COQ2: variants seen among roughly 807,000 people sequenced by gnomAD.
COQ2 encodes coenzyme Q2, polyprenyltransferase.
COQ2 carries 25 observed loss-of-function variants against 35.7 expected under a neutral mutation model. The ratio of observed to expected loss-of-function variants is 0.70; its 90% CI spans 0.51 to 0.98. The LOEUF is 0.98. Ranked by LOEUF, COQ2 falls within the 50% of genes least tolerant of loss-of-function variation. COQ2 has a pLI of 0.00. For synonymous variants in COQ2, 206 were observed against 186.2 expected (o/e 1.11, Z -0.86); for missense variants, 488 against 473.5 (o/e 1.03, Z -0.28).
chr4:83,285,015 T>A, upstream of COQ2: 1 of 823,564 alleles, frequency 1.2e-6, no homozygotes, highest in Non-Finnish European at 1.8e-6. Flanking sequence ...TTTTTACAAC[T>A]CGATCTTGAT....
rs1019995053 is a variant in COQ2, at chr4:83,283,532, T to C, written c.253+980A>G. Reference sequence around the variant, plus strand: ...AACTTGTCCTTTGGAGTATAATTTCTTCTCGAAACTTTCCAGCAAGGGATC... The same window carrying C: ...AACTTGTCCTTTGGAGTATAATTTCCTCTCGAAACTTTCCAGCAAGGGATC... On this transcript the variant is annotated intron_variant, in intron 1 of 6. Transcript: ENST00000647002. 123 of 985,480 alleles carry C rather than the reference T, an allele frequency of 1.2e-4. 1 individual carries two copies. Among genetic ancestry groups the C allele is most frequent in the Non-Finnish European group, 1.4e-4 (113 of 829,938 alleles). 61.0% of individuals were successfully genotyped at this position (985,480 alleles called of 1,614,324 possible). A position where few individuals can be genotyped will look rare whatever the true frequency, so the allele number is the denominator to read the frequency against.
intron 2 of COQ2, among the ~76,000 whole-genome samples, chr4:83,274,273 A>G (rs1258494625): frequency 2.0e-5 from 3 of 152,292 alleles, no homozygotes; most frequent in South Asian, 4.2e-4. Context: ...AGCTCACTGC[A>G]ACCTCTGCCT....
At chr4:83,283,355 T>C in intron 1 of COQ2, 2 of 985,460 alleles carry the variant, frequency 2.0e-6, no homozygotes, top group Non-Finnish European at 2.4e-6. Flanking sequence ...TCCAGCTTCT[T>C]CAGATATGTT....
At chr4:83,279,937 T>C (rs1577991201) in intron 1 of COQ2, among the ~76,000 whole-genome samples, 1 of 147,322 alleles carries the variant, frequency 6.8e-6, no homozygotes, top group South Asian at 2.2e-4. Context: ...CGTAGCTCAC[T>C]GTGGCTTCAA....
intron 2 of COQ2, among the ~76,000 whole-genome samples, chr4:83,274,269 C>T (rs1210250811): frequency 1.3e-5 from 2 of 152,304 alleles, no homozygotes; most frequent in South Asian, 2.1e-4. Flanking sequence ...TCTCAGCTCA[C>T]TGCAACCTCT....
chr4:83,273,193 TAC>T (rs1233330740), intron 3 of COQ2, among the ~76,000 whole-genome samples: 1 of 152,228 alleles, frequency 6.6e-6, no homozygotes, highest in African/African-American at 2.4e-5. Context: ...TGTGGGTGTA[TAC>T]ACACACATCC....
At chr4:83,283,190 T>C (rs1735368400) in intron 1 of COQ2, 3 of 797,660 alleles carry the variant, frequency 3.8e-6, no homozygotes, top group Non-Finnish European at 3.0e-6. Context: ...CGTGCATAAA[T>C]CTAGAATACC....
At chr4:83,284,903 A>T (rs865961063), upstream of COQ2, 5 of 1,518,124 alleles carry the variant, frequency 3.3e-6, no homozygotes, top group Middle Eastern at 5.0e-4. Flanking sequence ...TTACTTGTGA[A>T]ATTGGGGTCA....
At chr4:83,273,470 C>A (rs760095956) in intron 3 of COQ2, 26 bp downstream of exon 3, 1 of 1,591,900 alleles carries the variant, frequency 6.3e-7, no homozygotes, top group East Asian at 2.3e-5. Context: ...AGATTTTATA[C>A]ATGATGTGGA....
intron 2 of COQ2, among the ~76,000 whole-genome samples, chr4:83,277,960 A>C (rs1047477105): frequency 1.4e-5 from 2 of 144,458 alleles, no homozygotes; most frequent in Non-Finnish European, 3.0e-5. Flanking sequence ...ACAAGAGTGA[A>C]ACTCCATCTC....
At chr4:83,271,996 T>C (rs1343501448) in intron 4 of COQ2, 91 bp downstream of exon 4, 3 of 823,224 alleles carry the variant, frequency 3.6e-6, no homozygotes, top group South Asian at 3.6e-5. Flanking sequence ...ATGACTGATT[T>C]GTCATTTCAT....
At chr4:83,285,130 G>A (rs1237995078), upstream of COQ2, among the ~76,000 whole-genome samples, 1 of 152,156 alleles carries the variant, frequency 6.6e-6, no homozygotes, top group African/African-American at 2.4e-5. Context: ...TAGAATAAGT[G>A]TTCCAAAGAG....
chr4:83,273,032 C>T (rs6843638), intron 3 of COQ2, among the ~76,000 whole-genome samples: 114,294 of 152,146 alleles, frequency 0.75, 43,158 homozygotes, highest in East Asian at 0.85. Context: ...TTAAGAGATA[C>T]AGGAATGAGT....
intron 5 of COQ2, among the ~76,000 whole-genome samples, chr4:83,268,095 T>C: frequency 6.6e-6 from 1 of 152,222 alleles, no homozygotes; most frequent in East Asian, 1.9e-4. Flanking sequence ...TAATGACTCT[T>C]AACCATATTT....
chr4:83,284,979 A>C, upstream of COQ2: 3 of 1,113,594 alleles, frequency 2.7e-6, no homozygotes, highest in Non-Finnish European at 3.7e-6. Context: ...AAAAGGCAAA[A>C]AAATTACAAT....
intron 1 of COQ2, chr4:83,281,539 A>G (rs1450456784): frequency 4.6e-5 from 7 of 152,338 alleles, no homozygotes; most frequent in Admixed American, 1.3e-4. Context: ...GTTGAGTGAC[A>G]CTAGACAGTA....
At chr4:83,281,572 T>A (rs1735322458) in intron 1 of COQ2, 1 of 152,184 alleles carries the variant, frequency 6.6e-6, no homozygotes, top group African/African-American at 2.4e-5. Flanking sequence ...GCTTAAGTCT[T>A]TGTTTCATCT....
At chr4:83,284,982 A>C (rs551289426), upstream of COQ2, 26 of 1,081,530 alleles carry the variant, frequency 2.4e-5, no homozygotes, top group Non-Finnish European at 3.2e-5. Context: ...AGGCAAAAAA[A>C]TTACAATAAA....
intron 4 of COQ2, among the ~76,000 whole-genome samples, chr4:83,270,834 A>G (rs1313909764): frequency 6.6e-6 from 1 of 152,196 alleles, no homozygotes; most frequent in Non-Finnish European, 1.5e-5. Context: ...TGCAATTCCT[A>G]GCACGAAGTA....
Sources: allele counts gnomAD v4.1 joint callset (sites outside exome capture counted in the v4.1 genomes callset), GRCh38; gene constraint gnomAD v4.1.1; transcripts MANE v1.5; gene names NCBI Gene and HGNC (gene_info 2026-07-23, HGNC 2026-07-21).